Variants in CNTN4 observed in about 807,000 individuals in gnomAD.
CNTN4 encodes the protein contactin-4.
CNTN4 carries 77 observed loss-of-function variants against 122.5 expected under a neutral mutation model. The observed-to-expected ratio is 0.63, with a 90% CI of 0.52 to 0.76. The LOEUF (loss-of-function observed/expected upper bound fraction) is 0.76, where lower values mean the gene tolerates loss of function less well. Ranked by LOEUF, CNTN4 falls within the 30% of genes least tolerant of loss-of-function variation. The probability of loss-of-function intolerance (pLI) is 0.00; values close to 1 mark genes in which losing one functional copy is unlikely to be tolerated. For missense variants in CNTN4, 1,256 were observed against 1,259.1 expected, an observed-to-expected ratio of 1.00 and a Z score of 0.04; for synonymous variants, 512 against 447.0, an observed-to-expected ratio of 1.15 and a Z score of -1.83.
At chr3:2,738,274 A>C (rs1239952083) in intron 5 of CNTN4, among the ~76,000 whole-genome samples, 1 of 152,236 alleles carries the variant, frequency 6.6e-6, no homozygotes, top group Non-Finnish European at 1.5e-5. Context: ...TGACATTCAA[A>C]GAGATCACAA....
chr3:2,113,645 G>C (rs748403621), intron 2 of CNTN4, among the ~76,000 whole-genome samples: 24 of 152,014 alleles, frequency 1.6e-4, no homozygotes, highest in Non-Finnish European at 3.2e-4. Flanking sequence ...TGAAGGATAG[G>C]TACAGTTGAG....
chr3:2,489,408 C>T (rs1460701095), intron 3 of CNTN4, among the ~76,000 whole-genome samples: 1 of 152,182 alleles, frequency 6.6e-6, no homozygotes, highest in African/African-American at 2.4e-5. Context: ...AGGAAAGAAG[C>T]CCTCACTCCC....
chr3:3,014,121 C>T (rs1364151029), intron 14 of CNTN4, among the ~76,000 whole-genome samples: 3 of 151,690 alleles, frequency 2.0e-5, no homozygotes, highest in Admixed American at 6.6e-5. Flanking sequence ...ATTCAAGAAA[C>T]TAACACGTTT....
At chr3:2,169,756 TGTAAACA>T (rs2036385879) in intron 2 of CNTN4, among the ~76,000 whole-genome samples, 1 of 152,134 alleles carries the variant, frequency 6.6e-6, no homozygotes, top group East Asian at 1.9e-4. Flanking sequence ...AACAATTCAC[TGTAAACA>T]GTAAAACTGT....
chr3:2,498,206 T>G (rs1007755460), intron 3 of CNTN4, among the ~76,000 whole-genome samples: 2 of 152,192 alleles, frequency 1.3e-5, no homozygotes, highest in Non-Finnish European at 2.9e-5. Flanking sequence ...ATATGGATTT[T>G]GAATATATAT....
intron 3 of CNTN4, among the ~76,000 whole-genome samples, chr3:2,477,075 T>A (rs1435450158): frequency 6.6e-6 from 1 of 152,204 alleles, no homozygotes; most frequent in Non-Finnish European, 1.5e-5. Flanking sequence ...AAAAAGCTGG[T>A]TGAAGCCCAT....
At chr3:2,226,988 C>T (rs2039308796) in intron 2 of CNTN4, among the ~76,000 whole-genome samples, 1 of 152,056 alleles carries the variant, frequency 6.6e-6, no homozygotes, top group Admixed American at 6.5e-5. Flanking sequence ...TCTGATGTCA[C>T]ACAGATATGT....
chr3:2,379,534 T>A lies in CNTN4; in HGVS notation c.-89+40301T>A, dbSNP rs542584408. On this transcript the variant is annotated intron_variant, in intron 3 of 24. Transcript: ENST00000418658. Reference sequence around the variant, plus strand: ...ACAGGCCTCTTTTGTCTTTTTTATATAACTGCTATGTTAGTATAAATTGTT... The same window carrying A: ...ACAGGCCTCTTTTGTCTTTTTTATAAAACTGCTATGTTAGTATAAATTGTT... Among the ~76,000 whole-genome samples, 6 of 152,220 alleles carry A rather than the reference T, an allele frequency of 3.9e-5. No individual in the cohort carries two copies. In the South Asian group the frequency reaches 1.2e-3, roughly 31 times the overall value.
intron 2 of CNTN4, among the ~76,000 whole-genome samples, chr3:2,152,409 C>G (rs75585701): frequency 0.026 from 3,925 of 152,128 alleles, 77 homozygotes; most frequent in Middle Eastern, 0.054. Context: ...GCTTTGGGGT[C>G]TAGACTGGGG....
At chr3:2,663,493 A>G (rs958371040) in intron 4 of CNTN4, among the ~76,000 whole-genome samples, 10 of 145,354 alleles carry the variant, frequency 6.9e-5, no homozygotes, top group Non-Finnish European at 1.5e-4. Context: ...GGTAAGTGGG[A>G]GGAACTCATA....
intron 7 of CNTN4, among the ~76,000 whole-genome samples, chr3:2,840,501 C>T (rs1325588398): frequency 7.2e-6 from 1 of 138,122 alleles, no homozygotes; most frequent in Non-Finnish European, 1.6e-5. Flanking sequence ...GAGATCGAGA[C>T]CATCCTGGCT....
At chr3:2,614,096 A>G (rs1157726401) in intron 4 of CNTN4, among the ~76,000 whole-genome samples, 1 of 152,242 alleles carries the variant, frequency 6.6e-6, no homozygotes, top group Non-Finnish European at 1.5e-5. Context: ...AGAGCATGTG[A>G]GAGCAGGCCA....
At chr3:2,813,938 A>G (rs914530150) in intron 6 of CNTN4, among the ~76,000 whole-genome samples, 13 of 152,076 alleles carry the variant, frequency 8.5e-5, no homozygotes, top group African/African-American at 2.9e-4. Context: ...GTACACGTCC[A>G]CTCCTCCAGG....
chr3:2,242,001 C>T (rs535863123), intron 2 of CNTN4, among the ~76,000 whole-genome samples: 3 of 152,004 alleles, frequency 2.0e-5, no homozygotes, highest in Non-Finnish European at 2.9e-5. Context: ...TTGAGGAATA[C>T]GAGAACAAAA....
intron 3 of CNTN4, among the ~76,000 whole-genome samples, chr3:2,434,848 T>C (rs185289061): frequency 1.3e-5 from 2 of 152,286 alleles, no homozygotes; most frequent in Admixed American, 1.3e-4. Flanking sequence ...TGCTGTTAAT[T>C]CATGTCGCCA....
At chr3:3,053,416 AAAGGTG>A (rs1701467489) in intron 23 of CNTN4, among the ~76,000 whole-genome samples, 2 of 152,204 alleles carry the variant, frequency 1.3e-5, no homozygotes, top group African/African-American at 4.8e-5. Flanking sequence ...TGAGGCTCTG[AAAGGTG>A]AAGTGGCCTG....
intron 7 of CNTN4, among the ~76,000 whole-genome samples, chr3:2,850,004 T>TTG (rs2093521371): frequency 6.6e-6 from 1 of 151,798 alleles, no homozygotes; most frequent in Admixed American, 6.6e-5. Context: ...TCTTTTTTTT[T>TTG]TCTGAGACGG....
intron 4 of CNTN4, among the ~76,000 whole-genome samples, chr3:2,573,417 G>A (rs1237845472): frequency 6.6e-6 from 1 of 152,028 alleles, no homozygotes; most frequent in African/African-American, 2.4e-5. Flanking sequence ...AGTATGCCCA[G>A]GCTCTAATAC....
At chr3:2,739,054 A>G (rs2089305838) in intron 5 of CNTN4, among the ~76,000 whole-genome samples, 1 of 152,174 alleles carries the variant, frequency 6.6e-6, no homozygotes, top group East Asian at 1.9e-4. Flanking sequence ...AGAATGTAAA[A>G]AACAACCTAG....
Sources: gnomAD v4.1 joint callset for allele counts (sites outside exome capture counted in the v4.1 genomes callset) on GRCh38, gnomAD v4.1.1 for gene constraint, MANE v1.5 for transcripts, NCBI Gene and HGNC (gene_info 2026-07-23, HGNC 2026-07-21) for gene names.